The following RSBN1L variants were observed in gnomAD, a reference collection of about 807,000 sequenced individuals.
RSBN1L encodes lysine-specific demethylase RSBN1L.
Under a neutral mutation model 67.7 loss-of-function variants are expected in RSBN1L, and 30 were observed. That is an observed-to-expected ratio of 0.44 (90% confidence interval 0.33 to 0.60). The LOEUF is 0.60. RSBN1L is among the 20% of genes least tolerant of loss of function. RSBN1L has a pLI of 0.02. For synonymous variants in RSBN1L, 433 were observed against 387.0 expected (o/e 1.12, Z -1.39); for missense variants, 992 against 1,031.7 (o/e 0.96, Z 0.53).
In RSBN1L at chr7:77,696,527, G is replaced by C. The variant is rs1408719932; in HGVS notation, c.58G>C (p.Val20Leu). 2.5e-6 allele frequency: 4 copies of C among 1,613,794 alleles called. No individual in the cohort carries two copies. Among genetic ancestry groups the C allele is most frequent in the Non-Finnish European group, 3.4e-6 (4 of 1,179,968 alleles). ...CGCTGCCGCGGCCCCCACCGCCACC[G>C]TCTCGGAGAAAGAACCGTTTGGCAA... ...CVAAAAPTAT[V>L]SEKEPFGKLQ... Residue 20 changes from valine to leucine, a missense_variant, in exon 1 of 8, where the codon GTC (valine) becomes CTC (leucine). Coordinates refer to ENST00000334955, the MANE Select transcript of RSBN1L (RefSeq NM_198467.3).
Position 77,765,515 on chromosome 7 carries a change from T to G in RSBN1L, c.1365T>G (p.His455Gln). Residue 455 changes from histidine (H) to glutamine (Q), a missense_variant, in exon 4 of 8, where the codon CAT (histidine) becomes CAG (glutamine). This residue lies in a region of RSBN1L where 63 missense variants were observed against 84.8 expected (regional missense o/e 0.74). Coordinates refer to ENST00000334955, the MANE Select transcript of RSBN1L (RefSeq NM_198467.3). Reference sequence around the variant, plus strand: ...TTCAGGTAAAAAGAACGTATTCTCATGGTACTTACAGAGCTGGCCCAATGA... The same window carrying G: ...TTCAGGTAAAAAGAACGTATTCTCAGGGTACTTACAGAGCTGGCCCAATGA... ...FHAQVKRTYS[H>Q]GTYRAGPMRQ... 1 of 1,590,444 alleles carries G rather than the reference T, an allele frequency of 6.3e-7. No individual in the cohort carries two copies. The highest frequency in any genetic ancestry group is 8.6e-7 in the Non-Finnish European group (1 of 1,167,928).
At chr7:77,750,208 C>A in intron 3 of RSBN1L, 144 bp downstream of exon 3, 1 of 329,568 alleles carries the variant, frequency 3.0e-6, no homozygotes, top group South Asian at 1.2e-4. Flanking sequence ...AAATTACTTT[C>A]TTGATGTGAG....
At chr7:77,726,030 A>G (rs996809818) in intron 1 of RSBN1L, among the ~76,000 whole-genome samples, 2 of 151,984 alleles carry the variant, frequency 1.3e-5, no homozygotes, top group African/African-American at 4.8e-5. Context: ...ATACATGTGT[A>G]TCTGTCTGTA....
chr7:77,720,483 C>T (rs1283042451), intron 1 of RSBN1L, among the ~76,000 whole-genome samples: 4 of 151,984 alleles, frequency 2.6e-5, no homozygotes, highest in East Asian at 1.9e-4. Context: ...CGCTTGAACC[C>T]GGGAGGCAGA....
rs200234285 is a variant in RSBN1L, at chr7:77,767,700, TC to T, written c.1483-957del. 6.8e-3 allele frequency among the ~76,000 whole-genome samples: 900 copies of T among 132,516 alleles called. 13 individuals are homozygous for T. Among genetic ancestry groups the T allele is most frequent in the African/African-American group, 0.025 (861 of 34,932 alleles). 86.9% of individuals were successfully genotyped at this position (132,516 alleles called of 152,430 possible). On this transcript the variant is annotated intron_variant, in intron 4 of 7. Transcript: ENST00000334955. ...ACCGTCTTCTCTTTTCTCTTCCCCT[TC>T]CCCTTCACCTCTGTCTCTCGCCTCG...
rs1306343371 is a variant in RSBN1L at position 77,779,767 on chromosome 7, G to T, written c.*599G>T. On this transcript the variant is annotated 3_prime_UTR_variant, in exon 8 of 8. Coordinates refer to ENST00000334955, the MANE Select transcript of RSBN1L (RefSeq NM_198467.3). Reference sequence around the variant, plus strand: ...TTTAGTGTGGTATTGTAGTGCAAATGTACGTAATTCAAATCTAGTAAATAT... The same window carrying T: ...TTTAGTGTGGTATTGTAGTGCAAATTTACGTAATTCAAATCTAGTAAATAT... 2 of 149,582 alleles carry T rather than the reference G, an allele frequency of 1.3e-5. No homozygotes were observed. The highest frequency in any genetic ancestry group is 2.5e-5 in the African/African-American group (1 of 40,614). 9.3% of individuals were successfully genotyped at this position (149,582 alleles called of 1,614,324 possible). A position where few individuals can be genotyped will look rare whatever the true frequency, so the allele number is the denominator to read the frequency against.
chr7:77,738,359 T>C (rs966027147), intron 2 of RSBN1L, among the ~76,000 whole-genome samples: 1 of 152,184 alleles, frequency 6.6e-6, no homozygotes, highest in Non-Finnish European at 1.5e-5. Context: ...TTAGGTGATA[T>C]TTTGAACCGA....
intron 5 of RSBN1L, among the ~76,000 whole-genome samples, chr7:77,769,880 T>C (rs1791822686): frequency 6.6e-6 from 1 of 152,248 alleles, no homozygotes; most frequent in Admixed American, 6.5e-5. Flanking sequence ...GATGAGCTGC[T>C]GTAATTTTGT....
intron 1 of RSBN1L, among the ~76,000 whole-genome samples, chr7:77,698,306 A>T (rs142607551): frequency 1.3e-5 from 2 of 152,290 alleles, no homozygotes; most frequent in African/African-American, 4.8e-5. Flanking sequence ...GGTTTTGAGG[A>T]TGGGATTTTG....
chr7:77,773,125 A>G lies in RSBN1L; in HGVS notation c.1626-22A>G, dbSNP rs765724051. 56 of 1,431,104 alleles carry G rather than the reference A, an allele frequency of 3.9e-5. No individual in the cohort carries two copies. The East Asian group carries it at 1.3e-3, about 32-fold the overall frequency. The allele number at this position is 1,431,104 out of a possible 1,614,324, so 88.7% of individuals were successfully genotyped here. On this transcript the variant is annotated intron_variant, in intron 5 of 7. Coordinates refer to ENST00000334955, the MANE Select transcript of RSBN1L (RefSeq NM_198467.3). ...AATTAAGTGTCACTATATAAATGTA[A>G]TTTTCTTTTTTTAAAAAACAGAACT...
rs370973373 is a variant in RSBN1L, at chr7:77,749,678, A to G, written c.958A>G (p.Asn320Asp). 14 of 1,614,074 alleles carry G rather than the reference A, an allele frequency of 8.7e-6. No individual in the cohort carries two copies. The African/African-American group carries it at 1.9e-4, about 22-fold the overall frequency. The change falls in exon 3 of 8, where the codon AAC becomes GAC. Residue 320 changes from asparagine to aspartate, a missense_variant. Around this residue, in one of 7 missense-constraint regions of RSBN1L, gnomAD observed 575 missense variants for 483.2 expected, o/e 1.19. Transcript: ENST00000334955. ...GAACTATGATTCCAAAATTCCAGAG[A>G]ACAGTGAGTTTCCATTTGTCTCATT... The part of the protein sequence containing the change: ...TKNYDSKIPE[N>D]SEFPFVSLKE...
At chr7:77,709,569 C>T (rs1005512661) in intron 1 of RSBN1L, among the ~76,000 whole-genome samples, 12 of 152,120 alleles carry the variant, frequency 7.9e-5, no homozygotes, top group Admixed American at 7.2e-4. Flanking sequence ...GGATTACAAG[C>T]GTGAGCCACC....
At chr7:77,706,416 G>A (rs1790893187) in intron 1 of RSBN1L, among the ~76,000 whole-genome samples, 1 of 151,938 alleles carries the variant, frequency 6.6e-6, no homozygotes, top group African/African-American at 2.4e-5. Context: ...TACCATGTTG[G>A]CCAGACTGGT....
chr7:77,766,888 C>T (rs1791772284), intron 4 of RSBN1L, among the ~76,000 whole-genome samples: 1 of 152,122 alleles, frequency 6.6e-6, no homozygotes, highest in Non-Finnish European at 1.5e-5. Context: ...CTAGTAGTTA[C>T]ATCATGGAAT....
At chr7:77,773,565 C>G (rs2150434301) in intron 6 of RSBN1L, 2 of 248,114 alleles carry the variant, frequency 8.1e-6, no homozygotes, top group East Asian at 1.5e-4. Flanking sequence ...GAGATCAAGA[C>G]CAGCCTAGCC....
At chr7:77,706,368 G>A (rs760499208) in intron 1 of RSBN1L, among the ~76,000 whole-genome samples, 14 of 151,976 alleles carry the variant, frequency 9.2e-5, no homozygotes, top group Admixed American at 3.3e-4. Context: ...GAGCCACCGC[G>A]CCCAGCAACT....
intron 1 of RSBN1L, among the ~76,000 whole-genome samples, chr7:77,712,229 A>G (rs1260772063): frequency 6.6e-6 from 1 of 152,028 alleles, no homozygotes; most frequent in African/African-American, 2.4e-5. Context: ...ATACATGTAT[A>G]TAATTTTTTA....
At chr7:77,740,899 C>G (rs140646379) in intron 2 of RSBN1L, among the ~76,000 whole-genome samples, 12 of 151,404 alleles carry the variant, frequency 7.9e-5, no homozygotes, top group Admixed American at 2.0e-4. Context: ...ACGTGTGTAT[C>G]TGTGGTACTT....
At chr7:77,773,856 T>TA (rs1456949686) in intron 6 of RSBN1L, among the ~76,000 whole-genome samples, 1 of 152,112 alleles carries the variant, frequency 6.6e-6, no homozygotes, top group Non-Finnish European at 1.5e-5. Flanking sequence ...TGACTAGATG[T>TA]AAAAAAAATT....
Sources: allele counts gnomAD v4.1 joint callset (sites outside exome capture counted in the v4.1 genomes callset), GRCh38; gene constraint gnomAD v4.1.1; regional missense constraint gnomAD v4.1.1; transcripts MANE v1.5; gene names NCBI Gene and HGNC (gene_info 2026-07-23, HGNC 2026-07-21).